LRP1B: variants seen among roughly 807,000 people sequenced by gnomAD.
LRP1B encodes low-density lipoprotein receptor-related protein 1B.
In LRP1B, 217 loss-of-function variants were observed where a neutral mutation model predicts 556.6. The observed-to-expected ratio is 0.39, with a 90% CI of 0.35 to 0.44. The LOEUF (loss-of-function observed/expected upper bound fraction) is 0.44. LRP1B is among the 20% of genes least tolerant of loss of function. LRP1B has a pLI of 1.00. For synonymous variants in LRP1B, 2,047 were observed against 1,865.8 expected, an observed-to-expected ratio of 1.10 and a Z score of -2.50; for missense variants, 5,053 against 5,620.8, an observed-to-expected ratio of 0.90 and a Z score of 3.23.
chr2:141,021,353 C>T (rs932852946), intron 11 of LRP1B, among the ~76,000 whole-genome samples: 1 of 150,098 alleles, frequency 6.7e-6, no homozygotes, highest in East Asian at 2.0e-4. Flanking sequence ...AAAATGTGAT[C>T]TGATCTAACT....
chr2:141,392,498 C>G (rs1417501698), intron 3 of LRP1B, among the ~76,000 whole-genome samples: 2 of 144,520 alleles, frequency 1.4e-5, no homozygotes. Flanking sequence ...CTGTCACTCA[C>G]TAAAACAGAA....
chr2:140,846,213 T>C (rs1489021817), intron 29 of LRP1B, among the ~76,000 whole-genome samples: 1 of 152,154 alleles, frequency 6.6e-6, no homozygotes, highest in Admixed American at 6.6e-5. Context: ...AGCTCTCAAC[T>C]TGGAGTTTTG....
At chr2:141,997,596 T>C (rs1335059363) in intron 1 of LRP1B, among the ~76,000 whole-genome samples, 2 of 150,268 alleles carry the variant, frequency 1.3e-5, no homozygotes, top group Non-Finnish European at 3.0e-5. Flanking sequence ...AATTCTCCCA[T>C]CTCAACCTCC....
At chr2:141,168,330 G>A (rs1362265278) in intron 7 of LRP1B, among the ~76,000 whole-genome samples, 9 of 152,098 alleles carry the variant, frequency 5.9e-5, no homozygotes, top group Admixed American at 5.9e-4. Flanking sequence ...CTGCCTGAAA[G>A]TGAAGCAGTG....
At chr2:140,651,499 T>C (rs1172751993) in intron 41 of LRP1B, among the ~76,000 whole-genome samples, 2 of 82,082 alleles carry the variant, frequency 2.4e-5, no homozygotes, top group African/African-American at 9.8e-5. Context: ...ACTTAAAGTA[T>C]AATTAAAAAA....
At chr2:141,147,990 G>A (rs1325501584) in intron 7 of LRP1B, among the ~76,000 whole-genome samples, 1 of 152,138 alleles carries the variant, frequency 6.6e-6, no homozygotes, top group African/African-American at 2.4e-5. Context: ...ATATAGCCTA[G>A]CTATGAAATA....
At chr2:141,021,423 T>C (rs1036095435) in intron 11 of LRP1B, among the ~76,000 whole-genome samples, 9 of 152,050 alleles carry the variant, frequency 5.9e-5, no homozygotes, top group Admixed American at 1.3e-4. Flanking sequence ...TCTGCTTCAT[T>C]ACCATCCAAT....
chr2:141,101,159 G>C (rs1054355192), intron 7 of LRP1B, among the ~76,000 whole-genome samples: 1 of 152,132 alleles, frequency 6.6e-6, no homozygotes, highest in Non-Finnish European at 1.5e-5. Flanking sequence ...CACCTTTGCA[G>C]AGATCATGAC....
At chr2:141,987,910 T>G (rs1369730689) in intron 1 of LRP1B, among the ~76,000 whole-genome samples, 8 of 151,844 alleles carry the variant, frequency 5.3e-5, no homozygotes, top group Admixed American at 5.3e-4. Context: ...AAAGCAATGA[T>G]TTCATAGTCA....
intron 2 of LRP1B, among the ~76,000 whole-genome samples, chr2:141,600,081 A>G (rs1687671475): frequency 6.6e-6 from 1 of 152,184 alleles, no homozygotes; most frequent in Non-Finnish European, 1.5e-5. Context: ...TACGCTGATC[A>G]ACATCACAAA....
intron 5 of LRP1B, among the ~76,000 whole-genome samples, chr2:141,242,013 T>C (rs1558954967): frequency 6.6e-6 from 1 of 152,154 alleles, no homozygotes; most frequent in Non-Finnish European, 1.5e-5. Context: ...TAGCCACTGG[T>C]ATACTGAAAC....
At chr2:140,734,178 T>C (rs904865449) in intron 35 of LRP1B, among the ~76,000 whole-genome samples, 2 of 152,190 alleles carry the variant, frequency 1.3e-5, no homozygotes, top group Admixed American at 1.3e-4. Context: ...TAAATCAGAC[T>C]TGAATCCTGC....
At chr2:141,899,883 C>A (rs1478905378) in intron 1 of LRP1B, among the ~76,000 whole-genome samples, 1 of 151,942 alleles carries the variant, frequency 6.6e-6, no homozygotes, top group South Asian at 2.1e-4. Context: ...CAACTCCCTG[C>A]ATTTGAAGTG....
At chr2:141,055,308 G>T (rs2105456422) in intron 9 of LRP1B, 49 bp from the exon 10 acceptor site, 1 of 1,577,432 alleles carries the variant, frequency 6.3e-7, no homozygotes. Context: ...TCAAAGATAA[G>T]ATAACTATGT....
intron 39 of LRP1B, 130 bp downstream of exon 39, chr2:140,702,011 C>T: frequency 7.6e-7 from 1 of 1,318,740 alleles, no homozygotes; most frequent in Non-Finnish European, 1.1e-6. Flanking sequence ...CCTGCCTTTT[C>T]TGTGGAAATT....
intron 14 of LRP1B, among the ~76,000 whole-genome samples, chr2:141,008,726 T>C (rs966496914): frequency 1.3e-5 from 2 of 151,888 alleles, no homozygotes; most frequent in African/African-American, 4.8e-5. Context: ...ACCTTGCAAA[T>C]AGTGCCCAGC....
chr2:141,091,917 C>T (rs893615988), intron 7 of LRP1B, among the ~76,000 whole-genome samples: 2 of 152,134 alleles, frequency 1.3e-5, no homozygotes, highest in African/African-American at 4.8e-5. Flanking sequence ...TAACCCATCA[C>T]CACTATGACT....
intron 60 of LRP1B, among the ~76,000 whole-genome samples, chr2:140,470,472 C>G (rs1377591063): frequency 6.6e-6 from 1 of 151,432 alleles, no homozygotes; most frequent in Non-Finnish European, 1.5e-5. Context: ...GGTGAAACCC[C>G]GTCTCTCCTA....
intron 7 of LRP1B, among the ~76,000 whole-genome samples, chr2:141,154,798 A>G (rs1250800417): frequency 6.6e-6 from 1 of 151,872 alleles, no homozygotes; most frequent in East Asian, 1.9e-4. Flanking sequence ...CTTTGTCCCT[A>G]CAGCTACTGC....
Sources: allele counts gnomAD v4.1 joint callset (sites outside exome capture counted in the v4.1 genomes callset), GRCh38; gene constraint gnomAD v4.1.1; transcripts MANE v1.5; gene names NCBI Gene and HGNC (gene_info 2026-07-23, HGNC 2026-07-21).